FANCI: variants seen among roughly 807,000 people sequenced by gnomAD.
The protein encoded by FANCI is FA complementation group I, also known as Fanconi anemia group I protein.
In FANCI, 156 loss-of-function variants were observed where a neutral mutation model predicts 176.1. That is an observed-to-expected ratio of 0.89 (90% CI 0.78 to 1.01). FANCI has a LOEUF of 1.01. Ranked by LOEUF, FANCI falls within the 50% of genes least tolerant of loss-of-function variation. The pLI is 0.00. For synonymous variants in FANCI, 613 were observed against 541.7 expected, an observed-to-expected ratio of 1.13 and a Z score of -1.83; for missense variants, 1,678 against 1,534.1, an observed-to-expected ratio of 1.09 and a Z score of -1.57.
chr15:89,292,217 A>G (rs896097683), intron 20 of FANCI, among the ~76,000 whole-genome samples: 1 of 152,222 alleles, frequency 6.6e-6, no homozygotes, highest in African/African-American at 2.4e-5. Context: ...CTTATAACTC[A>G]TGGCAGAAGA....
Position 89,305,156 on chromosome 15 carries a change from A to G in FANCI, c.3100A>G (p.Ser1034Gly). 6.2e-7 allele frequency: 1 copy of G among 1,614,228 alleles called. No individual in the cohort carries two copies. The highest frequency in any genetic ancestry group is 1.3e-5 in the African/African-American group (1 of 75,058). The change falls in exon 29 of 38, where the codon AGC (serine) becomes GGC (glycine). Residue 1034 changes from serine (S) to glycine (G), a missense_variant. Coordinates refer to ENST00000310775, the MANE Select transcript of FANCI (RefSeq NM_001113378.2). ...CAAGAGCTTGATGAACTTGCTCTTC[A>G]GCCTGCATGTTTCGTATAAGAGTCC... The part of the protein sequence containing the change: ...FCKSLMNLLF[S>G]LHVSYKSPVI...
intron 2 of FANCI, among the ~76,000 whole-genome samples, chr15:89,252,601 G>A (rs758134320): frequency 2.0e-5 from 3 of 152,084 alleles, no homozygotes; most frequent in African/African-American, 4.8e-5. Context: ...TTAGCTGGGC[G>A]TGGTGGTGCA....
intron 10 of FANCI, among the ~76,000 whole-genome samples, chr15:89,272,836 A>AT (rs2053251344): frequency 6.6e-6 from 1 of 151,918 alleles, no homozygotes; most frequent in Non-Finnish European, 1.5e-5. Flanking sequence ...CTCCCAGCTA[A>AT]TTTTTGTACT....
rs1221726840 is a variant in FANCI at position 89,297,160 on chromosome 15, C to T, written c.2636+2066C>T. Reference sequence around the variant, plus strand: ...GCGGCAGGGCTCCTCACTTCTCAGACGGGGCGGCCGGGCAGAGGTGCTCCT... The same window carrying T: ...GCGGCAGGGCTCCTCACTTCTCAGATGGGGCGGCCGGGCAGAGGTGCTCCT... On this transcript the variant is annotated intron_variant, in intron 24 of 37. Coordinates refer to ENST00000310775, the MANE Select transcript of FANCI (RefSeq NM_001113378.2). Among the ~76,000 whole-genome samples the T allele has an allele frequency of 2.2e-4, 29 of 133,978 alleles. No homozygotes were observed. The South Asian group carries it at 5.6e-3, about 26-fold the overall frequency. The allele number at this position is 133,978 out of a possible 152,430, so 87.9% of individuals were successfully genotyped here.
intron 12 of FANCI, 140 bp downstream of exon 12, chr15:89,274,444 T>A: frequency 1.1e-6 from 1 of 942,892 alleles, no homozygotes; most frequent in Non-Finnish European, 1.6e-6. Context: ...TTCATTTTCT[T>A]AAAACTGGTA....
In FANCI at chr15:89,279,162, G is replaced by T. The variant is rs549754973; in HGVS notation, c.1381+388G>T. On this transcript the variant is annotated intron_variant, in intron 14 of 37. Transcript: ENST00000310775. ...CTGTTTTGTTGTTGTTGTTGTTGTT[G>T]TTGTTGTTGTTTCTTTTTTAGACAC... Among the ~76,000 whole-genome samples, 6 of 152,062 alleles carry T rather than the reference G, an allele frequency of 3.9e-5. No homozygotes were observed. In the East Asian group the frequency reaches 1.2e-3, roughly 29 times the overall value.
intron 2 of FANCI, among the ~76,000 whole-genome samples, chr15:89,256,603 C>G (rs1419524961): frequency 3.3e-5 from 5 of 152,136 alleles, no homozygotes; most frequent in Non-Finnish European, 5.9e-5. Flanking sequence ...ATGACTGACT[C>G]TTGGTGTTTC....
At position 89,247,710 on chromosome 15, in the gene FANCI, T is replaced by G; in HGVS notation, c.63T>G (p.Leu21=). ...EKTADKLQEF[L]QTLREGDLTN... The stretch of plus-strand genomic sequence containing the variant: ...CAGCAGACAAACTGCAAGAATTTCT[T>G]CAAACCCTGAGAGAAGGTGATGTGA... The change falls in exon 2 of 38, where the codon CTT becomes CTG. Residue 21 remains leucine, a synonymous_variant. Transcript: ENST00000310775. The G allele has an allele frequency of 6.2e-7, 1 of 1,614,006 alleles. No individual in the cohort carries two copies. The highest frequency in any genetic ancestry group is 8.5e-7 in the Non-Finnish European group (1 of 1,179,944).
Position 89,259,968 on chromosome 15 carries a change from A to T in FANCI, c.158-745A>T, listed in dbSNP as rs1210223368. Among the ~76,000 whole-genome samples, 4 of 152,176 alleles carry T rather than the reference A, an allele frequency of 2.6e-5. No homozygotes were observed. In the East Asian group the frequency reaches 5.8e-4, roughly 22 times the overall value. The stretch of plus-strand genomic sequence containing the variant: ...TTTGTGTATAAATTTTTGTGCGGAC[A>T]TGTTTTCCTTTCTCTTGGATATATA... On this transcript the variant is annotated intron_variant, in intron 3 of 37. Coordinates refer to ENST00000310775, the MANE Select transcript of FANCI (RefSeq NM_001113378.2).
Position 89,300,390 on chromosome 15 carries a change from G to A in FANCI, c.2889+5G>A. The A allele has an allele frequency of 6.2e-7, 1 of 1,613,388 alleles. No homozygotes were observed. Among genetic ancestry groups the A allele is most frequent in the Non-Finnish European group, 8.5e-7 (1 of 1,179,446 alleles). ...TTCCAGATCCGGCAATTTCAGGTGA[G>A]AAGCCTTGCAAAGCTGCTGTACTGG... On this transcript the variant is annotated splice_donor_5th_base_variant and intron_variant, in intron 26 of 37. Coordinates refer to ENST00000310775, the MANE Select transcript of FANCI (RefSeq NM_001113378.2).
chr15:89,305,248 A>G lies in FANCI; in HGVS notation c.3186+6A>G, dbSNP rs910020158. 6.2e-7 allele frequency: 1 copy of G among 1,614,250 alleles called. No homozygotes were observed. Among genetic ancestry groups the G allele is most frequent in the Non-Finnish European group, 8.5e-7 (1 of 1,180,038 alleles). ...ATCTGGGAGATATAGACCAGGTACT[A>G]TAATGAGCCTTCAGTACAATACCCT... is the stretch of plus-strand genomic sequence containing the variant. On this transcript the variant is annotated splice_donor_region_variant and intron_variant, in intron 29 of 37. Coordinates refer to ENST00000310775, the MANE Select transcript of FANCI (RefSeq NM_001113378.2).
At position 89,285,236 on chromosome 15, in the gene FANCI, A is replaced by G; in HGVS notation, c.1821+18A>G. On this transcript the variant is annotated intron_variant, in intron 18 of 37. Transcript: ENST00000310775. ...TTTATGAGGTAAGTCCGTAGAATGG[A>G]AAGAATGTAGCAAAACCCCAACTAA... 2 of 1,613,910 alleles carry G rather than the reference A, an allele frequency of 1.2e-6. No individual in the cohort carries two copies. Among genetic ancestry groups the G allele is most frequent in the Non-Finnish European group, 1.7e-6 (2 of 1,179,870 alleles).
chr15:89,313,973 T>TCACACACA (rs139859584), intron 35 of FANCI, among the ~76,000 whole-genome samples: 1,093 of 98,286 alleles, frequency 0.011, 9 homozygotes, highest in Middle Eastern at 0.038. Context: ...AGATATATAA[T>TCACACACA]CACACACACA....
intron 2 of FANCI, among the ~76,000 whole-genome samples, chr15:89,254,108 C>T (rs187307580): frequency 1.3e-5 from 2 of 152,172 alleles, no homozygotes; most frequent in Admixed American, 6.5e-5. Flanking sequence ...CCTGTAATCC[C>T]AACACTTTGG....
chr15:89,262,348 C>A (rs1037452502), intron 6 of FANCI, among the ~76,000 whole-genome samples: 1 of 151,612 alleles, frequency 6.6e-6, no homozygotes, highest in African/African-American at 2.4e-5. Context: ...CTGCAACATA[C>A]AAGAAAATCC....
Position 89,274,159 on chromosome 15 carries a change from A to G in FANCI, c.976-9A>G, listed in dbSNP as rs1350162211. 3 of 1,538,038 alleles carry G rather than the reference A, an allele frequency of 2.0e-6. No homozygotes were observed. Among genetic ancestry groups the G allele is most frequent in the Non-Finnish European group, 1.8e-6 (2 of 1,136,092 alleles). On this transcript the variant is annotated splice_polypyrimidine_tract_variant and intron_variant, in intron 11 of 37. Coordinates refer to ENST00000310775, the MANE Select transcript of FANCI (RefSeq NM_001113378.2). Reference sequence around the variant, plus strand: ...ATTTTTTCATTTATTTTTATTAACTATACTCAAGGTGCTTGATCTTTTAAA... The same window carrying G: ...ATTTTTTCATTTATTTTTATTAACTGTACTCAAGGTGCTTGATCTTTTAAA...
intron 34 of FANCI, among the ~76,000 whole-genome samples, chr15:89,309,590 G>T (rs998639335): frequency 2.0e-5 from 3 of 152,050 alleles, no homozygotes; most frequent in African/African-American, 7.2e-5. Flanking sequence ...TTTAAGCCAG[G>T]TGTTTGCCTA....
At chr15:89,292,063 T>G (rs2151714982) in intron 20 of FANCI, among the ~76,000 whole-genome samples, 1 of 152,310 alleles carries the variant, frequency 6.6e-6, no homozygotes, top group South Asian at 2.1e-4. Flanking sequence ...GCTTCATTAG[T>G]CTAGAGGAAG....
intron 37 of FANCI, 141 bp from the exon 38 acceptor site, chr15:89,316,256 C>T: frequency 1.2e-6 from 1 of 835,090 alleles, no homozygotes; most frequent in South Asian, 1.5e-5. Context: ...AACATAATTA[C>T]CTCCTGTGAG....
Sources: gnomAD v4.1 joint callset for allele counts (sites outside exome capture counted in the v4.1 genomes callset) on GRCh38, gnomAD v4.1.1 for gene constraint, MANE v1.5 for transcripts, NCBI Gene and HGNC (gene_info 2026-07-23, HGNC 2026-07-21) for gene names.